Variants in BAZ2B observed in about 807,000 individuals in gnomAD.
BAZ2B encodes bromodomain adjacent to zinc finger domain protein 2B.
In BAZ2B, 91 loss-of-function variants were observed where a neutral mutation model predicts 246.0. The observed-to-expected ratio is 0.37, with a 90% confidence interval of 0.31 to 0.44. The LOEUF is 0.44. Among genes scored for constraint, BAZ2B ranks in the 20% least tolerant of loss-of-function variants. The pLI, the probability that BAZ2B is intolerant of heterozygous loss-of-function variation, is 1.00. For synonymous variants in BAZ2B, 855 were observed against 860.0 expected, an observed-to-expected ratio of 0.99 and a Z score of 0.10; for missense variants, 2,332 against 2,533.7, an observed-to-expected ratio of 0.92 and a Z score of 1.71.
intron 36 of BAZ2B, among the ~76,000 whole-genome samples, chr2:159,323,297 T>C (rs2062964054): frequency 6.6e-6 from 1 of 152,080 alleles, no homozygotes; most frequent in Admixed American, 6.5e-5. Context: ...TATGATTTTG[T>C]AGCATTTTTT....
At chr2:159,468,019 C>A (rs6706441) in intron 3 of BAZ2B, among the ~76,000 whole-genome samples, 148,096 of 152,278 alleles carry the variant, frequency 0.97, 72,158 homozygotes, top group Middle Eastern at 1. Flanking sequence ...CAAACCACAG[C>A]AAGTATGAGA....
chr2:159,459,459 G>A (rs759105639), intron 3 of BAZ2B: 3 of 152,166 alleles, frequency 2.0e-5, no homozygotes, highest in Non-Finnish European at 2.9e-5. Context: ...AGCTCACTAG[G>A]TATTTAGAAT....
At chr2:159,379,975 T>C (rs1391559649) in intron 25 of BAZ2B, among the ~76,000 whole-genome samples, 3 of 151,808 alleles carry the variant, frequency 2.0e-5, no homozygotes, top group Admixed American at 2.0e-4. Flanking sequence ...TCCATTTTCA[T>C]GACTTATGGT....
intron 3 of BAZ2B, among the ~76,000 whole-genome samples, chr2:159,476,855 A>T (rs1021104990): frequency 6.6e-6 from 1 of 152,242 alleles, no homozygotes; most frequent in Non-Finnish European, 1.5e-5. Context: ...GTAAAAAGTC[A>T]ATCATAGCAT....
In BAZ2B at chr2:159,412,391, T is replaced by C. The variant is rs749970604; in HGVS notation, c.2621A>G (p.Asn874Ser). 1.4e-5 allele frequency: 23 copies of C among 1,614,040 alleles called. No homozygotes were observed. Among genetic ancestry groups the C allele is most frequent in the Non-Finnish European group, 1.8e-5 (21 of 1,180,014 alleles). ...RRKGRPPNVG[N>S]AEFLDNADAK... ...ATCTGCGTTATCTAGGAATTCAGCA[T>C]TGCCAACATTTGGAGGTCGACCTTT... is the stretch of plus-strand genomic sequence containing the variant. The change falls in exon 14 of 37, where the codon AAT (asparagine) becomes AGT (serine). Residue 874 changes from asparagine to serine, a missense_variant. This residue lies in a region of BAZ2B where 651 missense variants were observed against 650.9 expected (regional missense o/e 1.00). Transcript: ENST00000392783.
intron 2 of BAZ2B, among the ~76,000 whole-genome samples, chr2:159,479,812 C>A (rs1020063022): frequency 6.6e-6 from 1 of 152,100 alleles, no homozygotes; most frequent in Non-Finnish European, 1.5e-5. Flanking sequence ...TGACATGCAA[C>A]ATCATTAGAA....
chr2:159,663,850 ATTTTCTTTTTTTTTTT>A, the BAZ2B span, among the ~76,000 whole-genome samples: 1 of 62,798 alleles, frequency 1.6e-5, no homozygotes, highest in Admixed American at 2.4e-4. Flanking sequence ...CTGTCAAACC[ATTTTCTTTTTTTTTTT>A]TTTTTTTTTT....
At chr2:159,520,221 T>C (rs2083987092) in intron 2 of BAZ2B, among the ~76,000 whole-genome samples, 5 of 152,104 alleles carry the variant, frequency 3.3e-5, no homozygotes, top group South Asian at 2.1e-4. Flanking sequence ...GTCAGGTAAA[T>C]AGGTTGTAGC....
chr2:159,537,561 A>G (rs1426912770), intron 2 of BAZ2B, among the ~76,000 whole-genome samples: 8 of 152,238 alleles, frequency 5.3e-5, no homozygotes, highest in Admixed American at 3.3e-4. Context: ...GCCTGTACCT[A>G]TAACTATAAC....
chr2:159,444,451 A>C (rs1212948763), intron 6 of BAZ2B: 1 of 152,196 alleles, frequency 6.6e-6, no homozygotes, highest in Non-Finnish European at 1.5e-5. Context: ...TACTCTGGAA[A>C]ATGTTTTCTA....
At chr2:159,651,700 C>T in the BAZ2B span, among the ~76,000 whole-genome samples, 1 of 152,082 alleles carries the variant, frequency 6.6e-6, no homozygotes, top group African/African-American at 2.4e-5. Flanking sequence ...TACCCCACAC[C>T]CATTACCCAT....
At chr2:159,349,403 G>T in intron 28 of BAZ2B, 123 bp from the exon 29 acceptor site, 1 of 1,075,464 alleles carries the variant, frequency 9.3e-7, no homozygotes, top group Non-Finnish European at 1.3e-6. Flanking sequence ...ACAATTACAG[G>T]AAAACAAAAT....
intron 3 of BAZ2B, chr2:159,458,388 C>T (rs62173208): frequency 2.0e-5 from 3 of 151,450 alleles, no homozygotes; most frequent in Non-Finnish European, 2.9e-5. Context: ...GGCAGTGGTG[C>T]GATCTCGGCT....
intron 14 of BAZ2B, chr2:159,411,962 G>A (rs2066904132): frequency 1.0e-5 from 10 of 985,386 alleles, no homozygotes; most frequent in Non-Finnish European, 1.2e-5. Context: ...ATATTTTGGA[G>A]TTATTCCCAT....
At chr2:159,599,531 T>A (rs867577854) in intron 1 of BAZ2B, among the ~76,000 whole-genome samples, 6 of 151,806 alleles carry the variant, frequency 4.0e-5, no homozygotes, top group Middle Eastern at 6.3e-3. Context: ...GACAGGAGAA[T>A]CGCTTGAACC....
intron 1 of BAZ2B, among the ~76,000 whole-genome samples, chr2:159,574,264 A>G (rs1284756076): frequency 2.8e-5 from 4 of 142,600 alleles, no homozygotes; most frequent in Middle Eastern, 3.4e-3. Context: ...AAGATGCTCA[A>G]TATCATTAGT....
rs931795329 is a variant in BAZ2B at position 159,340,433 on chromosome 2, G to A, written c.5455-2661C>T. ...AGGAAAATTCAGGTACAGGAAGTTT[G>A]AAGAATCCCAAGAAATTCAACCCAA... is the stretch of plus-strand genomic sequence containing the variant. On this transcript the variant is annotated intron_variant, in intron 31 of 36. Transcript: ENST00000392783. Among the ~76,000 whole-genome samples the A allele has an allele frequency of 8.5e-5, 13 of 152,062 alleles. 1 individual carries two copies. Among genetic ancestry groups the A allele is most frequent in the Non-Finnish European group, 1.5e-4 (10 of 67,972 alleles).
At position 159,373,185 on chromosome 2, in the gene BAZ2B, T is replaced by C; in HGVS notation, c.4073A>G (p.Gln1358Arg). The C allele has an allele frequency of 6.2e-7, 1 of 1,604,346 alleles. No individual in the cohort carries two copies. The highest frequency in any genetic ancestry group is 8.5e-7 in the Non-Finnish European group (1 of 1,176,792). ...AAAGAGCTTCCTTCTGTACTGACTC[T>C]GTTGCTGTTAAAAAAATGGTACATA... ...EKQIEKLSKQQSQYRRKLFDA... is the reference protein window; with the variant it reads ...EKQIEKLSKQRSQYRRKLFDA... The change falls in exon 27 of 37, where the codon CAG (glutamine) becomes CGG (arginine). Residue 1358 changes from glutamine (Q) to arginine (R), a missense_variant. By Grantham distance (43) the Gln-to-Arg change is conservative (BLOSUM62 1). This residue lies in a region of BAZ2B where 676 missense variants were observed against 668.6 expected (regional missense o/e 1.01). Coordinates refer to ENST00000392783, the MANE Select transcript of BAZ2B (RefSeq NM_013450.4).
the BAZ2B span, among the ~76,000 whole-genome samples, chr2:159,650,142 C>T: frequency 6.6e-6 from 1 of 150,552 alleles, no homozygotes; most frequent in Non-Finnish European, 1.5e-5. Flanking sequence ...ATCTTACATA[C>T]AGAATACACT....
Sources: gnomAD v4.1 joint callset for allele counts (sites outside exome capture counted in the v4.1 genomes callset) on GRCh38, gnomAD v4.1.1 for gene constraint, gnomAD v4.1.1 regional missense constraint, MANE v1.5 for transcripts, NCBI Gene and HGNC (gene_info 2026-07-23, HGNC 2026-07-21) for gene names.